SPOCK1: variants seen among roughly 807,000 people sequenced by gnomAD.
SPOCK1 encodes SPARC (osteonectin), cwcv and kazal like domains proteoglycan 1, also known as testican-1.
A neutral mutation model predicts 55.3 loss-of-function variants in SPOCK1; 23 were observed. The ratio of observed to expected loss-of-function variants is 0.42; its 90% CI spans 0.30 to 0.59. SPOCK1 has a LOEUF of 0.59. SPOCK1 is among the 20% of genes least tolerant of loss of function. SPOCK1 has a pLI of 0.22. For missense variants in SPOCK1, 499 were observed against 552.5 expected (o/e 0.90, Z 0.97); for synonymous variants, 226 against 221.0 (o/e 1.02, Z -0.20).
intron 3 of SPOCK1, among the ~76,000 whole-genome samples, chr5:137,161,965 T>C (rs1754565719): frequency 3.3e-5 from 5 of 152,172 alleles, no homozygotes; most frequent in Admixed American, 3.3e-4. Context: ...TAGAATTATC[T>C]CAGTGTGAAT....
At chr5:137,121,206 A>G (rs1753676096) in intron 4 of SPOCK1, among the ~76,000 whole-genome samples, 1 of 152,238 alleles carries the variant, frequency 6.6e-6, no homozygotes, top group Non-Finnish European at 1.5e-5. Context: ...AAATGGGATG[A>G]TTATTAAACA....
intron 2 of SPOCK1, among the ~76,000 whole-genome samples, chr5:137,460,077 C>A (rs1291867888): frequency 6.6e-6 from 1 of 152,154 alleles, no homozygotes; most frequent in African/African-American, 2.4e-5. Flanking sequence ...GGTAAAGGGC[C>A]TTGAAATCCA....
At chr5:137,185,761 G>A (rs1221360040) in intron 3 of SPOCK1, among the ~76,000 whole-genome samples, 3 of 152,120 alleles carry the variant, frequency 2.0e-5, no homozygotes. Flanking sequence ...GAGCCAGGCT[G>A]GCATCTAAGG....
At chr5:137,425,920 T>C (rs1049008105) in intron 2 of SPOCK1, among the ~76,000 whole-genome samples, 1 of 150,024 alleles carries the variant, frequency 6.7e-6, no homozygotes, top group African/African-American at 2.5e-5. Flanking sequence ...AAACCCCCTT[T>C]GGGGTATGCA....
At chr5:137,147,518 G>T (rs75989862) in intron 3 of SPOCK1, among the ~76,000 whole-genome samples, 19,230 of 152,202 alleles carry the variant, frequency 0.13, 1,385 homozygotes, top group South Asian at 0.22. Context: ...CCTCTTCCTG[G>T]CTTGCAGCCA....
chr5:137,223,761 G>A (rs571598015), intron 3 of SPOCK1, among the ~76,000 whole-genome samples: 1 of 152,222 alleles, frequency 6.6e-6, no homozygotes, highest in African/African-American at 2.4e-5. Flanking sequence ...AACATGAACC[G>A]TTAGCTGACA....
intron 3 of SPOCK1, among the ~76,000 whole-genome samples, chr5:137,245,179 A>C (rs1756371302): frequency 6.6e-6 from 1 of 152,222 alleles, no homozygotes; most frequent in East Asian, 1.9e-4. Context: ...TATTATTGGC[A>C]TTAAGCTTCC....
chr5:137,366,997 A>G (rs528142154), intron 2 of SPOCK1, among the ~76,000 whole-genome samples: 1 of 152,354 alleles, frequency 6.6e-6, no homozygotes, highest in African/African-American at 2.4e-5. Context: ...ATGAGGAGAC[A>G]GAGTGCACTG....
At chr5:137,056,118 T>C (rs1241074888) in intron 6 of SPOCK1, among the ~76,000 whole-genome samples, 1 of 152,204 alleles carries the variant, frequency 6.6e-6, no homozygotes, top group Non-Finnish European at 1.5e-5. Context: ...CCATGCACTG[T>C]CCTGGGCATG....
At chr5:137,405,563 A>G (rs1299992804) in intron 2 of SPOCK1, among the ~76,000 whole-genome samples, 2 of 152,178 alleles carry the variant, frequency 1.3e-5, no homozygotes, top group Admixed American at 1.3e-4. Flanking sequence ...ACGGGCAGAC[A>G]GATCCCTACT....
At chr5:137,396,133 C>T (rs989297106) in intron 2 of SPOCK1, among the ~76,000 whole-genome samples, 9 of 152,174 alleles carry the variant, frequency 5.9e-5, no homozygotes, top group African/African-American at 1.7e-4. Context: ...AGACACCAAA[C>T]TGGATTTGGG....
chr5:137,066,987 C>CACACACACAGAGAGAGAGAGAGAGAGAG (rs1343691789), intron 6 of SPOCK1, among the ~76,000 whole-genome samples: 4 of 139,660 alleles, frequency 2.9e-5, no homozygotes, highest in Admixed American at 2.2e-4. Context: ...CACACACACA[C>CACACACACAGAGAGAGAGAGAGAGAGAG]AGAGAGAGAG....
rs906999273 is a variant in SPOCK1, at chr5:136,978,015, T to C, written c.*639A>G. ...CTGTACATGCATGCATATTTATGCA[T>C]GTACAGGGAAGTATCCAGACACCAA... is the stretch of plus-strand genomic sequence containing the variant. On this transcript the variant is annotated 3_prime_UTR_variant, in exon 11 of 11. Coordinates refer to ENST00000394945, the MANE Select transcript of SPOCK1 (RefSeq NM_004598.4). 20 of 398,374 alleles carry C rather than the reference T, an allele frequency of 5.0e-5. No individual in the cohort carries two copies. The highest frequency in any genetic ancestry group is 3.7e-4 in the African/African-American group (18 of 48,630). 24.7% of individuals were successfully genotyped at this position (398,374 alleles called of 1,614,324 possible).
At chr5:137,163,450 C>T (rs1231236743) in intron 3 of SPOCK1, among the ~76,000 whole-genome samples, 2 of 152,262 alleles carry the variant, frequency 1.3e-5, no homozygotes, top group East Asian at 3.9e-4. Flanking sequence ...TGACATTTGA[C>T]TTCAGGCTCT....
chr5:137,100,141 A>G (rs1753234705), intron 5 of SPOCK1, among the ~76,000 whole-genome samples: 1 of 152,194 alleles, frequency 6.6e-6, no homozygotes, highest in Non-Finnish European at 1.5e-5. Context: ...AGTTTACAGG[A>G]AAGAAATGGT....
At position 137,267,054 on chromosome 5, in the gene SPOCK1, T is replaced by A; in HGVS notation, c.188A>T (p.Asp63Val). 1 of 1,612,440 alleles carries A rather than the reference T, an allele frequency of 6.2e-7. No homozygotes were observed. The highest frequency in any genetic ancestry group is 8.5e-7 in the Non-Finnish European group (1 of 1,178,654). The change falls in exon 3 of 11, where the codon GAT (aspartate) becomes GTT (valine). Residue 63 changes from aspartate to valine, a missense_variant and splice_region_variant. Asp to Val is a radical substitution (Grantham distance 152, BLOSUM62 -3). Transcript: ENST00000394945. Reference protein sequence around the residue: ...RDKYWNRFRDDDYFRNWNPNK... With the variant: ...RDKYWNRFRDVDYFRNWNPNK... Reference sequence around the variant, plus strand: ...GGGATTCCAGTTTCTGAAATAATCATCCTATATAAGGAAAAAATAGAAAAC... The same window carrying A: ...GGGATTCCAGTTTCTGAAATAATCAACCTATATAAGGAAAAAATAGAAAAC...
At chr5:137,406,387 C>T (rs1014542726) in intron 2 of SPOCK1, among the ~76,000 whole-genome samples, 6 of 152,196 alleles carry the variant, frequency 3.9e-5, no homozygotes, top group South Asian at 4.1e-4. Flanking sequence ...TGCATGCCCA[C>T]GACATTGAAG....
chr5:137,306,649 A>G (rs1757704993), intron 2 of SPOCK1, among the ~76,000 whole-genome samples: 1 of 152,178 alleles, frequency 6.6e-6, no homozygotes, highest in African/African-American at 2.4e-5. Flanking sequence ...AACATAACAT[A>G]TGGGGAAATT....
chr5:137,387,415 T>C (rs980875804), intron 2 of SPOCK1, among the ~76,000 whole-genome samples: 2 of 152,190 alleles, frequency 1.3e-5, no homozygotes, highest in Non-Finnish European at 2.9e-5. Flanking sequence ...TTTCAGTAGG[T>C]GATAAACTGT....
Sources: gnomAD v4.1 joint callset for allele counts (sites outside exome capture counted in the v4.1 genomes callset) on GRCh38, gnomAD v4.1.1 for gene constraint, MANE v1.5 for transcripts, NCBI Gene and HGNC (gene_info 2026-07-23, HGNC 2026-07-21) for gene names.